The following CFAP299 variants were observed in gnomAD, a reference collection of about 807,000 sequenced individuals.
CFAP299 encodes the protein cilia and flagella associated protein 299, also known as cilia- and flagella-associated protein 299.
In CFAP299, 21 loss-of-function variants were observed where a neutral mutation model predicts 27.0. That is an observed-to-expected ratio of 0.78 (90% CI 0.55 to 1.12). CFAP299 has a LOEUF of 1.12. Ranked by LOEUF, CFAP299 falls within the 50% of genes most tolerant of loss-of-function variation. CFAP299 has a pLI of 0.00. For missense variants in CFAP299, 310 were observed against 276.6 expected (o/e 1.12, Z -0.86); for synonymous variants, 104 against 98.1 (o/e 1.06, Z -0.36).
intron 2 of CFAP299, among the ~76,000 whole-genome samples, chr4:80,462,587 T>C (rs1294809716): frequency 1.3e-5 from 2 of 152,146 alleles, no homozygotes; most frequent in Non-Finnish European, 2.9e-5. Context: ...CCCCCATCTA[T>C]TTGCCTATTA....
chr4:80,810,809 C>T (rs1258158535), intron 3 of CFAP299, among the ~76,000 whole-genome samples: 4 of 152,006 alleles, frequency 2.6e-5, no homozygotes, highest in African/African-American at 9.7e-5. Context: ...GAGCATCATC[C>T]CATGCATCTT....
At chr4:80,332,557 A>C (rs1336870926), upstream of CFAP299, among the ~76,000 whole-genome samples, 1 of 152,192 alleles carries the variant, frequency 6.6e-6, no homozygotes, top group African/African-American at 2.4e-5. Flanking sequence ...AATGTGAATA[A>C]GCTTGTATAC....
chr4:80,466,581 T>C (rs2110111300), intron 2 of CFAP299, among the ~76,000 whole-genome samples: 1 of 152,268 alleles, frequency 6.6e-6, no homozygotes, highest in Non-Finnish European at 1.5e-5. Context: ...ACTAAAACGA[T>C]GGTAAAAATG....
intron 3 of CFAP299, among the ~76,000 whole-genome samples, chr4:80,854,273 G>A (rs1212385633): frequency 6.6e-6 from 1 of 152,070 alleles, no homozygotes; most frequent in South Asian, 2.1e-4. Flanking sequence ...AAAATAGTTG[G>A]TGTGAGAAAC....
Position 80,732,136 on chromosome 4 carries a change from A to G in CFAP299, c.334-137857A>G, listed in dbSNP as rs184555662. On this transcript the variant is annotated intron_variant, in intron 3 of 5. Transcript: ENST00000358105. Reference sequence around the variant, plus strand: ...TTTGAGTGTAGACAATCTAAGCAGGAAAAAAGACCAATCTGATTGGAAATG... The same window carrying G: ...TTTGAGTGTAGACAATCTAAGCAGGGAAAAAGACCAATCTGATTGGAAATG... Among the ~76,000 whole-genome samples the G allele has an allele frequency of 4.1e-3, 618 of 152,132 alleles. 1 individual carries two copies. The highest frequency in any genetic ancestry group is 0.014 in the African/African-American group (580 of 41,500).
Position 80,668,157 on chromosome 4 carries a change from A to AT in CFAP299, c.333+84974_333+84975insT, listed in dbSNP as rs879760731. 3.5e-3 allele frequency among the ~76,000 whole-genome samples: 79 copies of AT among 22,602 alleles called. 1 individual carries two copies. The East Asian group carries it at 0.17, about 47-fold the overall frequency. The allele number at this position is 22,602 out of a possible 152,430, so 14.8% of individuals were successfully genotyped here. A position where few individuals can be genotyped will look rare whatever the true frequency, so the allele number is the denominator to read the frequency against. On this transcript the variant is annotated intron_variant, in intron 3 of 5. Coordinates refer to ENST00000358105, the MANE Select transcript of CFAP299 (RefSeq NM_152770.3). ...CAGTTCTTTTGTTTGTTTTTAAATA[A>AT]ATTTTTTTTTTTGCTAATTGTTCAA...
At chr4:80,748,018 G>A (rs1009293321) in intron 3 of CFAP299, among the ~76,000 whole-genome samples, 4 of 152,018 alleles carry the variant, frequency 2.6e-5, no homozygotes, top group Admixed American at 2.6e-4. Flanking sequence ...ACAGGTACCT[G>A]AAATCAAACA....
intron 3 of CFAP299, among the ~76,000 whole-genome samples, chr4:80,781,366 A>G (rs1726866555): frequency 6.6e-6 from 1 of 152,100 alleles, no homozygotes; most frequent in African/African-American, 2.4e-5. Flanking sequence ...TTCAAATAAG[A>G]GAGGTGTATG....
intron 3 of CFAP299, among the ~76,000 whole-genome samples, chr4:80,799,691 AAT>A (rs1728208442): frequency 1.9e-5 from 1 of 53,672 alleles, no homozygotes; most frequent in Non-Finnish European, 2.9e-5. Context: ...ATAAATATAT[AAT>A]ATATAAAATA....
chr4:80,576,786 A>T (rs2109862394), intron 2 of CFAP299, among the ~76,000 whole-genome samples: 1 of 152,354 alleles, frequency 6.6e-6, no homozygotes, highest in South Asian at 2.1e-4. Flanking sequence ...AGGTTGCATT[A>T]TATATTCAAA....
At chr4:80,763,696 C>T (rs990536995) in intron 3 of CFAP299, among the ~76,000 whole-genome samples, 3 of 152,166 alleles carry the variant, frequency 2.0e-5, no homozygotes, top group Admixed American at 6.6e-5. Flanking sequence ...CGCTAACTGA[C>T]TTCAAACTAT....
At chr4:80,464,960 T>C (rs968626187) in intron 2 of CFAP299, among the ~76,000 whole-genome samples, 38 of 152,292 alleles carry the variant, frequency 2.5e-4, no homozygotes, top group Non-Finnish European at 4.7e-4. Flanking sequence ...GGTATTAAAG[T>C]TATAAATTAT....
chr4:80,426,442 A>G (rs1727532337), intron 2 of CFAP299, among the ~76,000 whole-genome samples: 1 of 152,040 alleles, frequency 6.6e-6, no homozygotes, highest in Admixed American at 6.6e-5. Context: ...CATCCTCAAG[A>G]AAAAAGTAAA....
At chr4:80,330,681 C>CT in the CFAP299 span, among the ~76,000 whole-genome samples, 2 of 152,286 alleles carry the variant, frequency 1.3e-5, no homozygotes, top group South Asian at 4.1e-4. Flanking sequence ...CAAAATATCT[C>CT]TTTATCAAAA....
chr4:80,335,846 G>A lies in CFAP299; in HGVS notation c.78G>A (p.Ser26=). The part of the protein sequence containing the change: ...QFNAYEDFLD[S]QITTVDLYYL... ...ACGCCTATGAAGATTTCCTGGACTC[G>A]CAGATCACTACTGTGGACTTGTACT... is the stretch of plus-strand genomic sequence containing the variant. Residue 26 remains serine, a synonymous_variant, in exon 1 of 6, where the codon TCG becomes TCA. Coordinates refer to ENST00000358105, the MANE Select transcript of CFAP299 (RefSeq NM_152770.3). 1 of 1,612,876 alleles carries A rather than the reference G, an allele frequency of 6.2e-7. No homozygotes were observed. Among genetic ancestry groups the A allele is most frequent in the Non-Finnish European group, 8.5e-7 (1 of 1,178,820 alleles).
chr4:80,807,077 C>G (rs1728900625), intron 3 of CFAP299, among the ~76,000 whole-genome samples: 1 of 152,080 alleles, frequency 6.6e-6, no homozygotes, highest in African/African-American at 2.4e-5. Context: ...CTAAGCACTG[C>G]TTTTCTTGAA....
chr4:80,889,735 C>T (rs184823674), intron 4 of CFAP299, among the ~76,000 whole-genome samples: 4 of 151,960 alleles, frequency 2.6e-5, no homozygotes, highest in South Asian at 2.1e-4. Flanking sequence ...ACAAAATACT[C>T]GCAAACCAAA....
In CFAP299 at chr4:80,762,839, C is replaced by T. The variant is rs189833136; in HGVS notation, c.334-107154C>T. ...AGGGGTAAAAAAGTCCTGACTTTTCCGCAATGGGAGACAGCTATAGATCCC... is the reference window on the plus strand; with the variant it reads ...AGGGGTAAAAAAGTCCTGACTTTTCTGCAATGGGAGACAGCTATAGATCCC... On this transcript the variant is annotated intron_variant, in intron 3 of 5. Coordinates refer to ENST00000358105, the MANE Select transcript of CFAP299 (RefSeq NM_152770.3). 8.5e-5 allele frequency among the ~76,000 whole-genome samples: 13 copies of T among 152,212 alleles called. No homozygotes were observed. In the East Asian group the frequency reaches 1.2e-3, roughly 14 times the overall value.
intron 1 of CFAP299, among the ~76,000 whole-genome samples, chr4:80,356,276 C>T (rs1723277347): frequency 6.6e-6 from 1 of 152,112 alleles, no homozygotes; most frequent in African/African-American, 2.4e-5. Context: ...GTGATGCCTC[C>T]AGCTTTGTTC....
Sources: gnomAD v4.1 joint callset for allele counts (sites outside exome capture counted in the v4.1 genomes callset) on GRCh38, gnomAD v4.1.1 for gene constraint, MANE v1.5 for transcripts, NCBI Gene and HGNC (gene_info 2026-07-23, HGNC 2026-07-21) for gene names.